The following RGS7 variants were observed in gnomAD, a reference collection of about 807,000 sequenced individuals.
RGS7 encodes the protein regulator of G-protein signaling 7.
Under a neutral mutation model 81.1 loss-of-function variants are expected in RGS7, and 27 were observed. The observed-to-expected ratio is 0.33, with a 90% confidence interval of 0.25 to 0.46. The LOEUF is 0.46. Ranked by LOEUF, RGS7 falls within the 20% of genes least tolerant of loss-of-function variation. The probability of loss-of-function intolerance (pLI) is 1.00; values close to 1 mark genes in which losing one functional copy is unlikely to be tolerated. For missense variants in RGS7, 396 were observed against 607.4 expected, an observed-to-expected ratio of 0.65 and a Z score of 3.66; for synonymous variants, 208 against 207.7, an observed-to-expected ratio of 1.00 and a Z score of -0.01.
In RGS7 at chr1:240,975,132, G is replaced by A. The variant is rs113606838; in HGVS notation, c.226+7947C>T. On this transcript the variant is annotated intron_variant, in intron 4 of 18. Coordinates refer to ENST00000440928, the MANE Select transcript of RGS7 (RefSeq NM_001364886.1). ...AGAACACAGAAATGCGGCCGGGTGC[G>A]GTGGCTCACACCTGTAATCCCAGCA... Among the ~76,000 whole-genome samples the A allele has an allele frequency of 3.5e-3, 532 of 152,218 alleles. 4 individuals carry two copies. Among genetic ancestry groups the A allele is most frequent in the African/African-American group, 0.011 (471 of 41,548 alleles).
chr1:240,822,889 T>C (rs553376795), intron 10 of RGS7: 2 of 358,060 alleles, frequency 5.6e-6, no homozygotes, highest in Non-Finnish European at 1.1e-5. Flanking sequence ...AGTTTTAAAA[T>C]ATAACCAAGA....
intron 2 of RGS7, among the ~76,000 whole-genome samples, chr1:241,221,015 AAGG>A (rs1558203650): frequency 1.9e-5 from 2 of 103,814 alleles, no homozygotes; most frequent in African/African-American, 6.3e-5. Context: ...GAAAGGAAGG[AAGG>A]AAGGAAGGAA....
chr1:240,970,592 A>G (rs1182376249), intron 4 of RGS7, among the ~76,000 whole-genome samples: 1 of 152,242 alleles, frequency 6.6e-6, no homozygotes, highest in Non-Finnish European at 1.5e-5. Context: ...TGAATGGCAG[A>G]CATCACAGAG....
chr1:240,863,985 C>T (rs1420593697), intron 9 of RGS7, among the ~76,000 whole-genome samples: 1 of 152,134 alleles, frequency 6.6e-6, no homozygotes, highest in Admixed American at 6.5e-5. Context: ...TGGACCCACA[C>T]CACCCCCTAG....
At chr1:241,245,122 G>A (rs2076457163) in intron 2 of RGS7, among the ~76,000 whole-genome samples, 1 of 152,038 alleles carries the variant, frequency 6.6e-6, no homozygotes. Context: ...AAGAAAGAAA[G>A]TTGGACTTAA....
chr1:241,119,229 C>T (rs571827000), intron 2 of RGS7, among the ~76,000 whole-genome samples: 93 of 152,176 alleles, frequency 6.1e-4, no homozygotes, highest in African/African-American at 2.2e-3. Context: ...AGAGGAATGA[C>T]GTTATTTTAC....
At chr1:241,329,448 G>T (rs1486166058) in intron 2 of RGS7, among the ~76,000 whole-genome samples, 1 of 152,032 alleles carries the variant, frequency 6.6e-6, no homozygotes, top group Non-Finnish European at 1.5e-5. Context: ...ATACTGCCTG[G>T]GAGTCTTCAG....
intron 2 of RGS7, among the ~76,000 whole-genome samples, chr1:241,104,773 C>T (rs1478004763): frequency 6.6e-6 from 1 of 152,180 alleles, no homozygotes; most frequent in Non-Finnish European, 1.5e-5. Context: ...ATTTCATTAA[C>T]TAGTAAAACT....
chr1:240,897,937 T>C (rs2148181269), intron 6 of RGS7, among the ~76,000 whole-genome samples: 1 of 152,310 alleles, frequency 6.6e-6, no homozygotes, highest in South Asian at 2.1e-4. Flanking sequence ...TGGTAGGCTA[T>C]TAATTATTGC....
chr1:241,115,561 T>G (rs573630555), intron 2 of RGS7, among the ~76,000 whole-genome samples: 1 of 152,202 alleles, frequency 6.6e-6, no homozygotes. Context: ...CCCCATTGTA[T>G]GTGTATTGAT....
intron 6 of RGS7, among the ~76,000 whole-genome samples, chr1:240,914,093 G>T: frequency 7.7e-6 from 1 of 130,464 alleles, no homozygotes; most frequent in African/African-American, 2.9e-5. Context: ...ATGATGATGA[G>T]ATATTCCTGG....
intron 2 of RGS7, among the ~76,000 whole-genome samples, chr1:241,179,498 G>A (rs565391396): frequency 7.2e-5 from 11 of 152,302 alleles, no homozygotes; most frequent in African/African-American, 2.6e-4. Context: ...TGGCGACTAA[G>A]TGAAGTCTCA....
intron 2 of RGS7, among the ~76,000 whole-genome samples, chr1:241,267,306 C>T (rs1334554279): frequency 6.6e-6 from 1 of 152,164 alleles, no homozygotes; most frequent in African/African-American, 2.4e-5. Flanking sequence ...GATGACTGCA[C>T]CTGATTACTC....
At chr1:241,082,982 T>C (rs924391970) in intron 3 of RGS7, among the ~76,000 whole-genome samples, 1 of 152,134 alleles carries the variant, frequency 6.6e-6, no homozygotes, top group African/African-American at 2.4e-5. Context: ...CCCAGCACTT[T>C]GGGAGGCCAA....
intron 18 of RGS7, among the ~76,000 whole-genome samples, chr1:240,787,034 C>T (rs1685194123): frequency 6.6e-6 from 1 of 152,070 alleles, no homozygotes; most frequent in African/African-American, 2.4e-5. Context: ...AAAGTGATAG[C>T]AATTCAGACT....
intron 6 of RGS7, among the ~76,000 whole-genome samples, chr1:240,888,251 A>G (rs759884773): frequency 6.6e-6 from 1 of 152,246 alleles, no homozygotes; most frequent in Non-Finnish European, 1.5e-5. Flanking sequence ...GTACGCTTTC[A>G]GTCTCACCTG....
At chr1:240,885,164 T>C (rs1304436314) in intron 6 of RGS7, among the ~76,000 whole-genome samples, 1 of 152,226 alleles carries the variant, frequency 6.6e-6, no homozygotes, top group Non-Finnish European at 1.5e-5. Context: ...TCAATGTCAC[T>C]GATCATTAGA....
chr1:240,878,485 CTTTCTTTTTTT>C, intron 6 of RGS7, among the ~76,000 whole-genome samples: 1 of 90,410 alleles, frequency 1.1e-5, no homozygotes, highest in East Asian at 3.8e-4. Flanking sequence ...TTTCTTTTTT[CTTTCTTTTTTT>C]TTTTTTTTTG....
At chr1:241,344,943 T>C (rs1402570939) in intron 2 of RGS7, among the ~76,000 whole-genome samples, 1 of 152,220 alleles carries the variant, frequency 6.6e-6, no homozygotes, top group South Asian at 2.1e-4. Context: ...CGAATGCTCA[T>C]TGCAGCACTG....
Sources: gnomAD v4.1 joint callset for allele counts (sites outside exome capture counted in the v4.1 genomes callset) on GRCh38, gnomAD v4.1.1 for gene constraint, MANE v1.5 for transcripts, NCBI Gene and HGNC (gene_info 2026-07-23, HGNC 2026-07-21) for gene names.